SUGCT: variants seen among roughly 807,000 people sequenced by gnomAD.
SUGCT encodes succinyl-CoA:glutarate-CoA transferase.
A neutral mutation model predicts 55.0 loss-of-function variants in SUGCT; 41 were observed. The observed-to-expected ratio is 0.74, with a 90% CI of 0.58 to 0.97. SUGCT has a LOEUF of 0.97. Ranked by LOEUF, SUGCT falls within the 50% of genes least tolerant of loss-of-function variation. The pLI, the probability that SUGCT is intolerant of heterozygous loss-of-function variation, is 0.00. For synonymous variants in SUGCT, 187 were observed against 200.4 expected (o/e 0.93, Z 0.56); for missense variants, 568 against 547.8 (o/e 1.04, Z -0.37).
chr7:40,467,000 G>A (rs1213804354), intron 11 of SUGCT, among the ~76,000 whole-genome samples: 1 of 151,820 alleles, frequency 6.6e-6, no homozygotes, highest in Non-Finnish European at 1.5e-5. Context: ...TCAGGAGATC[G>A]AGACCATGCT....
chr7:40,849,817 T>C (rs922003705), intron 13 of SUGCT, among the ~76,000 whole-genome samples: 1 of 151,942 alleles, frequency 6.6e-6, no homozygotes, highest in African/African-American at 2.4e-5. Context: ...AGGCCCTCCT[T>C]GTGCTTTGAC....
chr7:40,944,178 T>G, the SUGCT span, among the ~76,000 whole-genome samples: 1 of 152,124 alleles, frequency 6.6e-6, no homozygotes, highest in African/African-American at 2.4e-5. Flanking sequence ...TTCTGGATAT[T>G]AGCCCTTTGT....
At chr7:40,593,504 A>AAT (rs2151738407) in intron 12 of SUGCT, among the ~76,000 whole-genome samples, 1 of 152,292 alleles carries the variant, frequency 6.6e-6, no homozygotes, top group East Asian at 1.9e-4. Context: ...ACACTCTAAT[A>AAT]AAACAGTAAT....
intron 12 of SUGCT, among the ~76,000 whole-genome samples, chr7:40,588,165 G>A (rs1045349035): frequency 1.3e-5 from 2 of 151,702 alleles, no homozygotes; most frequent in African/African-American, 2.4e-5. Context: ...GCCTCCCAAA[G>A]TGCTGAGATT....
chr7:40,169,990 G>A (rs1000757755), intron 1 of SUGCT, among the ~76,000 whole-genome samples: 7 of 151,756 alleles, frequency 4.6e-5, no homozygotes, highest in Admixed American at 4.6e-4. Context: ...CTCCAGAAAG[G>A]CAGTCTCTCT....
At chr7:41,038,751 A>C in the SUGCT span, among the ~76,000 whole-genome samples, 1 of 152,098 alleles carries the variant, frequency 6.6e-6, no homozygotes, top group Admixed American at 6.5e-5. Context: ...TCCATAAAAG[A>C]GAGCACATTG....
chr7:40,286,069 G>A (rs2422302), intron 8 of SUGCT, among the ~76,000 whole-genome samples: 151,494 of 152,308 alleles, frequency 0.99, 75,344 homozygotes, highest in East Asian at 1. Context: ...ATTAAGTTGC[G>A]TCTGTACAAA....
intron 12 of SUGCT, among the ~76,000 whole-genome samples, chr7:40,594,375 A>G (rs1797892071): frequency 6.6e-6 from 1 of 152,082 alleles, no homozygotes; most frequent in African/African-American, 2.4e-5. Flanking sequence ...CCAATATATT[A>G]TCTGTTCTAC....
chr7:40,333,692 TATATATATATAA>T (rs1396111496), intron 9 of SUGCT, among the ~76,000 whole-genome samples: 4 of 125,250 alleles, frequency 3.2e-5, no homozygotes, highest in Non-Finnish European at 6.6e-5. Context: ...TATATATATA[TATATATATATAA>T]ATATTTATAA....
chr7:41,007,631 C>G, the SUGCT span, among the ~76,000 whole-genome samples: 1 of 152,080 alleles, frequency 6.6e-6, no homozygotes, highest in Non-Finnish European at 1.5e-5. Context: ...TGACTTTGAA[C>G]TTTTGGTGAA....
intron 13 of SUGCT, among the ~76,000 whole-genome samples, chr7:40,782,926 G>A (rs865780523): frequency 4.2e-4 from 64 of 152,222 alleles, no homozygotes; most frequent in Admixed American, 2.1e-3. Context: ...GCCTTTTGCT[G>A]AGTTACTATG....
At chr7:40,352,427 C>T (rs1797680535) in intron 9 of SUGCT, among the ~76,000 whole-genome samples, 2 of 152,088 alleles carry the variant, frequency 1.3e-5, no homozygotes, top group Middle Eastern at 3.4e-3. Flanking sequence ...CACCCAGGTA[C>T]CCAATAGGTA....
At chr7:40,269,270 ACCT>A (rs1791834108) in intron 7 of SUGCT, among the ~76,000 whole-genome samples, 2 of 143,912 alleles carry the variant, frequency 1.4e-5, no homozygotes. Context: ...TGTCTTTAAA[ACCT>A]CTGCCCATTT....
chr7:40,376,977 A>G (rs559136899), intron 9 of SUGCT, among the ~76,000 whole-genome samples: 2 of 151,354 alleles, frequency 1.3e-5, no homozygotes, highest in East Asian at 2.0e-4. Context: ...TTTTGTGCCA[A>G]TTTCTAATGG....
At chr7:40,978,736 A>T in the SUGCT span, among the ~76,000 whole-genome samples, 4 of 152,234 alleles carry the variant, frequency 2.6e-5, no homozygotes, top group Non-Finnish European at 4.4e-5. Flanking sequence ...TGTCAAGGCC[A>T]TGAGGCAGAA....
At chr7:40,153,568 T>C in intron 1 of SUGCT, 1 of 484,642 alleles carries the variant, frequency 2.1e-6, no homozygotes, top group Non-Finnish European at 4.1e-6. Flanking sequence ...ATTTTGGACC[T>C]ATCAACTCTT....
intron 9 of SUGCT, among the ~76,000 whole-genome samples, chr7:40,445,620 A>G (rs565401303): frequency 2.6e-5 from 4 of 152,310 alleles, no homozygotes; most frequent in South Asian, 2.1e-4. Context: ...CAATTGAAAA[A>G]GAGGGAATCC....
intron 13 of SUGCT, among the ~76,000 whole-genome samples, chr7:40,799,155 C>T (rs912237003): frequency 3.3e-5 from 5 of 152,208 alleles, no homozygotes; most frequent in African/African-American, 1.2e-4. Flanking sequence ...AGAGCTACCT[C>T]TTCCATGAAG....
intron 12 of SUGCT, among the ~76,000 whole-genome samples, chr7:40,626,446 G>A (rs568481961): frequency 6.6e-6 from 1 of 151,390 alleles, no homozygotes; most frequent in East Asian, 1.9e-4. Context: ...GAGAGGTGAG[G>A]TTTCACTGTG....
Sources: allele counts gnomAD v4.1 joint callset (sites outside exome capture counted in the v4.1 genomes callset), GRCh38; gene constraint gnomAD v4.1.1; transcripts MANE v1.5; gene names NCBI Gene and HGNC (gene_info 2026-07-23, HGNC 2026-07-21).